The following SNF8 variants were observed in gnomAD, a reference collection of about 807,000 sequenced individuals.
The protein encoded by SNF8 is SNF8 subunit of ESCRT-II, also known as vacuolar-sorting protein SNF8.
SNF8 carries 19 observed loss-of-function variants against 36.8 expected under a neutral mutation model. That is an observed-to-expected ratio of 0.52 (90% CI 0.36 to 0.76). The LOEUF (loss-of-function observed/expected upper bound fraction) is 0.76. Ranked by LOEUF, SNF8 falls within the 30% of genes least tolerant of loss-of-function variation. The pLI, the probability that SNF8 is intolerant of heterozygous loss-of-function variation, is 0.00. For synonymous variants in SNF8, 127 were observed against 127.4 expected, an observed-to-expected ratio of 1.00 and a Z score of 0.02; for missense variants, 268 against 322.9, an observed-to-expected ratio of 0.83 and a Z score of 1.30.
chr17:48,936,247 T>A lies in SNF8; in HGVS notation c.350-5A>T. ...GTTCCTCCAAAGTTATCAGACCTGT[T>A]TGGAGACAGGGAACAGAAATCAGAA... On this transcript the variant is annotated splice_polypyrimidine_tract_variant and splice_region_variant and intron_variant, in intron 4 of 7. Transcript: ENST00000502492. The A allele has an allele frequency of 2.5e-6, 4 of 1,611,956 alleles. No individual in the cohort carries two copies. The highest frequency in any genetic ancestry group is 3.4e-6 in the Non-Finnish European group (4 of 1,178,086).
intron 3 of SNF8, among the ~76,000 whole-genome samples, chr17:48,939,332 T>C (rs9891352): frequency 0.98 from 149,018 of 151,670 alleles, 73,275 homozygotes; most frequent in East Asian, 1. Context: ...CAGCTCCACT[T>C]GGGAGGTTGA....
chr17:48,937,765 A>G (rs1038688582), intron 3 of SNF8, among the ~76,000 whole-genome samples: 4 of 151,844 alleles, frequency 2.6e-5, no homozygotes, highest in Admixed American at 2.6e-4. Flanking sequence ...GTCTCTACTA[A>G]AAATACAAAA....
chr17:48,936,254 C>T lies in SNF8; in HGVS notation c.350-12G>A. ...CAAAGTTATCAGACCTGTTTGGAGA[C>T]AGGGAACAGAAATCAGAAAAAGAGA... On this transcript the variant is annotated splice_polypyrimidine_tract_variant and intron_variant, in intron 4 of 7. Transcript: ENST00000502492. 6.2e-7 allele frequency: 1 copy of T among 1,608,400 alleles called. No homozygotes were observed. The highest frequency in any genetic ancestry group is 8.5e-7 in the Non-Finnish European group (1 of 1,174,978).
chr17:48,934,774 C>T (rs1017323135), intron 5 of SNF8, among the ~76,000 whole-genome samples: 9 of 152,044 alleles, frequency 5.9e-5, no homozygotes, highest in Non-Finnish European at 1.3e-4. Flanking sequence ...AGACTGGTCT[C>T]GAACTCCTGT....
intron 2 of SNF8, 99 bp from the exon 3 acceptor site, chr17:48,941,161 T>TA (rs774527634): frequency 3.6e-5 from 49 of 1,357,268 alleles, no homozygotes; most frequent in Non-Finnish European, 4.8e-5. Flanking sequence ...AAGGCTGAAA[T>TA]AACCAGTCTC....
chr17:48,936,751 C>A, intron 4 of SNF8: 2 of 503,046 alleles, frequency 4.0e-6, no homozygotes, highest in South Asian at 2.6e-5. Flanking sequence ...GGGAAAAGGC[C>A]TACTTCCTAC....
rs2040830736 is a variant in SNF8, at chr17:48,929,805, G to T, written c.*670C>A. On this transcript the variant is annotated 3_prime_UTR_variant, in exon 8 of 8. Transcript: ENST00000502492. ...CTGTATGTAAAATGGCACAGGGTAG[G>T]TGTTCAGTAAATGACTCCCTTTCCC... 6.6e-6 allele frequency: 1 copy of T among 152,180 alleles called. No individual in the cohort carries two copies. Among genetic ancestry groups the T allele is most frequent in the Non-Finnish European group, 1.5e-5 (1 of 68,040 alleles). 9.4% of individuals were successfully genotyped at this position (152,180 alleles called of 1,614,324 possible).
intron 5 of SNF8, 138 bp downstream of exon 5, chr17:48,936,032 T>G: frequency 5.5e-6 from 2 of 361,056 alleles, no homozygotes; most frequent in East Asian, 5.3e-5. Context: ...TTGTTTTTTG[T>G]TTTTTTTTTT....
chr17:48,939,853 T>C (rs1307307578), intron 3 of SNF8, among the ~76,000 whole-genome samples: 1 of 151,836 alleles, frequency 6.6e-6, no homozygotes, highest in Non-Finnish European at 1.5e-5. Flanking sequence ...GAAAGGCCGA[T>C]CACTTGATCC....
intron 6 of SNF8, 198 bp downstream of exon 6, chr17:48,933,006 TG>T (rs996792685): frequency 2.0e-5 from 10 of 492,926 alleles, no homozygotes; most frequent in Non-Finnish European, 3.2e-5. Flanking sequence ...CATCTTTATA[TG>T]CCCCACAGCC....
intron 7 of SNF8, 132 bp downstream of exon 7, chr17:48,931,511 T>G: frequency 1.4e-6 from 1 of 734,258 alleles, no homozygotes; most frequent in Non-Finnish European, 2.3e-6. Context: ...CTGGGCTTCC[T>G]TCTAGCATGG....
intron 5 of SNF8, 151 bp from the exon 6 acceptor site, chr17:48,933,497 T>C: frequency 7.3e-6 from 6 of 820,316 alleles, no homozygotes; most frequent in Non-Finnish European, 1.2e-5. Flanking sequence ...CGCAACACTT[T>C]TGGGATGCCC....
chr17:48,933,925 T>C (rs2143797715), intron 5 of SNF8, among the ~76,000 whole-genome samples: 1 of 152,230 alleles, frequency 6.6e-6, no homozygotes, highest in Admixed American at 6.5e-5. Flanking sequence ...TGTGAATGAG[T>C]GAGCTGAAGA....
At position 48,936,300 on chromosome 17, in the gene SNF8, GAC is replaced by G. The variant is rs1410427602; in HGVS notation, c.350-60_350-59del. On this transcript the variant is annotated intron_variant, in intron 4 of 7. Transcript: ENST00000502492. ...AGAGATTACCCACTTTAAATAAGTT[GAC>G]AGTCATTACAATTCCAGTGGCCTAC... 51 of 1,375,346 alleles carry G rather than the reference GAC, an allele frequency of 3.7e-5. No homozygotes were observed. In the African/African-American group the frequency reaches 5.7e-4, roughly 15 times the overall value. 85.2% of individuals were successfully genotyped at this position (1,375,346 alleles called of 1,614,324 possible).
At chr17:48,941,172 C>T in intron 2 of SNF8, 110 bp from the exon 3 acceptor site, 1 of 1,192,606 alleles carries the variant, frequency 8.4e-7, no homozygotes, top group Non-Finnish European at 1.2e-6. Flanking sequence ...AACCAGTCTC[C>T]CTCAGCCTAC....
At chr17:48,937,281 G>A (rs772412430) in intron 3 of SNF8, 157 bp from the exon 4 acceptor site, 6 of 707,986 alleles carry the variant, frequency 8.5e-6, no homozygotes, top group East Asian at 2.7e-5. Context: ...TCGGACTCAC[G>A]GTAACTCCTG....
intron 7 of SNF8, 89 bp downstream of exon 7, chr17:48,931,554 A>T: frequency 9.4e-7 from 1 of 1,068,598 alleles, no homozygotes; most frequent in Non-Finnish European, 1.4e-6. Flanking sequence ...AGGCCAGCAA[A>T]GCAATGCTGA....
In SNF8 at chr17:48,930,445, G is replaced by T; in HGVS notation, c.*30C>A. ...TATTTGCCACCTCCGCCTCCTCCCTGCCTGCTGCTGTGTGCCCTTCCACAT... is the reference window on the plus strand; with the variant it reads ...TATTTGCCACCTCCGCCTCCTCCCTTCCTGCTGCTGTGTGCCCTTCCACAT... On this transcript the variant is annotated 3_prime_UTR_variant, in exon 8 of 8. Coordinates refer to ENST00000502492, the MANE Select transcript of SNF8 (RefSeq NM_007241.4). The T allele has an allele frequency of 1.3e-6, 2 of 1,513,416 alleles. No homozygotes were observed. Among genetic ancestry groups the T allele is most frequent in the Non-Finnish European group, 1.8e-6 (2 of 1,121,168 alleles). The allele number at this position is 1,513,416 out of a possible 1,614,324, so 93.7% of individuals were successfully genotyped here.
Position 48,933,206 on chromosome 17 carries a change from TCTGCCAG to T in SNF8, c.556_562del (p.Leu186ArgfsTer6). ...ACACACTCGAAGGTGCACCAGTACC[TCTGCCAG>T]CTGCAGCACCACGGTGTGATCCATA... is the stretch of plus-strand genomic sequence containing the variant. On this transcript the variant is annotated frameshift_variant and splice_region_variant, in exon 6 of 8. Coordinates refer to ENST00000502492, the MANE Select transcript of SNF8 (RefSeq NM_007241.4). LOFTEE classifies it high-confidence loss of function. 1 of 1,613,324 alleles carries T rather than the reference TCTGCCAG, an allele frequency of 6.2e-7. No individual in the cohort carries two copies. Among genetic ancestry groups the T allele is most frequent in the East Asian group, 2.2e-5 (1 of 44,884 alleles).
Sources: gnomAD v4.1 joint callset for allele counts (sites outside exome capture counted in the v4.1 genomes callset) on GRCh38, gnomAD v4.1.1 for gene constraint, MANE v1.5 for transcripts, NCBI Gene and HGNC (gene_info 2026-07-23, HGNC 2026-07-21) for gene names.